The following SLC66A3 variants were observed in gnomAD, a reference collection of about 807,000 sequenced individuals.
The protein encoded by SLC66A3 is solute carrier family 66 member 3, also known as PQ loop repeat containing 3.
In SLC66A3, 23 loss-of-function variants were observed where a neutral mutation model predicts 25.5. The observed-to-expected ratio is 0.90, with a 90% CI of 0.65 to 1.28. SLC66A3 has a LOEUF of 1.28. Ranked by LOEUF, SLC66A3 falls within the 50% of genes most tolerant of loss-of-function variation. The pLI is 0.00. For synonymous variants in SLC66A3, 108 were observed against 112.6 expected, an observed-to-expected ratio of 0.96 and a Z score of 0.26; for missense variants, 246 against 262.1, an observed-to-expected ratio of 0.94 and a Z score of 0.42.
rs1661851220 is a variant in SLC66A3 at position 11,155,480 on chromosome 2, G to T, written c.-67G>T. 2.8e-6 allele frequency: 4 copies of T among 1,406,722 alleles called. No individual in the cohort carries two copies. The highest frequency in any genetic ancestry group is 3.2e-5 in the Admixed American group (1 of 30,986). 87.1% of individuals were successfully genotyped at this position (1,406,722 alleles called of 1,614,324 possible). On this transcript the variant is annotated 5_prime_UTR_variant, in exon 1 of 7. Coordinates refer to ENST00000295083, the MANE Select transcript of SLC66A3 (RefSeq NM_152391.5). Reference sequence around the variant, plus strand: ...CGGGAAGGCGGAAGGCTTCGGCAGAGCTGCGCCGCCGAGGCTGAGCGGTCC... The same window carrying T: ...CGGGAAGGCGGAAGGCTTCGGCAGATCTGCGCCGCCGAGGCTGAGCGGTCC...
At chr2:11,160,078 C>A (rs766910599) in intron 1 of SLC66A3, among the ~76,000 whole-genome samples, 2 of 152,180 alleles carry the variant, frequency 1.3e-5, no homozygotes, top group Non-Finnish European at 2.9e-5. Flanking sequence ...ATGTGTGCAG[C>A]AGCTGAGGGG....
intron 1 of SLC66A3, chr2:11,160,233 C>T (rs1662067782): frequency 5.0e-6 from 3 of 595,352 alleles, no homozygotes; most frequent in South Asian, 2.0e-5. Context: ...CTATAGAGAT[C>T]GTGGGTATTG....
At chr2:11,174,438 T>C (rs1662660708) in intron 5 of SLC66A3, among the ~76,000 whole-genome samples, 2 of 152,180 alleles carry the variant, frequency 1.3e-5, no homozygotes, top group African/African-American at 4.8e-5. Context: ...GTACCTTCCC[T>C]CATGAGCAGT....
chr2:11,177,833 T>A lies in SLC66A3; in HGVS notation c.*5T>A. 1.3e-6 allele frequency: 2 copies of A among 1,544,292 alleles called. No homozygotes were observed. Among genetic ancestry groups the A allele is most frequent in the Non-Finnish European group, 1.8e-6 (2 of 1,117,632 alleles). ...ACCGCTATAAAGGCTGAATGATGGATACATTATTCCTTCACACAGTGGATT... is the reference window on the plus strand; with the variant it reads ...ACCGCTATAAAGGCTGAATGATGGAAACATTATTCCTTCACACAGTGGATT... On this transcript the variant is annotated 3_prime_UTR_variant, in exon 7 of 7. Coordinates refer to ENST00000295083, the MANE Select transcript of SLC66A3 (RefSeq NM_152391.5).
At chr2:11,160,920 G>A (rs556258348) in intron 3 of SLC66A3, 11 of 660,158 alleles carry the variant, frequency 1.7e-5, no homozygotes, top group Admixed American at 5.9e-5. Flanking sequence ...CCAGCAGGCC[G>A]AGTGGAAGGC....
At chr2:11,160,783 T>C in intron 3 of SLC66A3, 89 bp downstream of exon 3, 2 of 1,555,448 alleles carry the variant, frequency 1.3e-6, no homozygotes, top group Non-Finnish European at 1.7e-6. Flanking sequence ...TTACCAGATG[T>C]GTATTTTTTG....
At chr2:11,158,458 C>A (rs1045509383) in intron 1 of SLC66A3, among the ~76,000 whole-genome samples, 2 of 152,326 alleles carry the variant, frequency 1.3e-5, no homozygotes, top group East Asian at 3.9e-4. Flanking sequence ...GTCAGGAGAT[C>A]AAGACCATCC....
rs527738800 is a variant in SLC66A3, at chr2:11,178,012, T to G, written c.*184T>G. ...TCTTGTTTAAAAATACCAATTTGCC[T>G]CCTCCTTCCTCACTTCGTTAGGTTA... On this transcript the variant is annotated 3_prime_UTR_variant, in exon 7 of 7. Transcript: ENST00000295083. 19 of 561,050 alleles carry G rather than the reference T, an allele frequency of 3.4e-5. No homozygotes were observed. Among genetic ancestry groups the G allele is most frequent in the Admixed American group, 6.5e-5 (2 of 31,006 alleles). The allele number at this position is 561,050 out of a possible 1,614,324, so 34.8% of individuals were successfully genotyped here.
At position 11,169,213 on chromosome 2, in the gene SLC66A3, T is replaced by C. The variant is rs139596049; in HGVS notation, c.355-2712T>C. On this transcript the variant is annotated intron_variant, in intron 4 of 6. Transcript: ENST00000295083. Reference sequence around the variant, plus strand: ...TGACGCCTTCTCTCCTCCCAAGTCATCCTGGATGCACCTTTATCATCACGT... The same window carrying C: ...TGACGCCTTCTCTCCTCCCAAGTCACCCTGGATGCACCTTTATCATCACGT... 5.3e-3 allele frequency among the ~76,000 whole-genome samples: 811 copies of C among 152,254 alleles called. 4 individuals are homozygous for C. The highest frequency in any genetic ancestry group is 0.017 in the African/African-American group (706 of 41,556).
chr2:11,168,665 C>T (rs1338105953), intron 4 of SLC66A3, among the ~76,000 whole-genome samples: 1 of 152,080 alleles, frequency 6.6e-6, no homozygotes, highest in East Asian at 1.9e-4. Context: ...AGTCCTCCCT[C>T]CTCTGCTCTG....
chr2:11,166,836 A>C (rs927318353), intron 4 of SLC66A3, among the ~76,000 whole-genome samples: 2 of 152,256 alleles, frequency 1.3e-5, no homozygotes, highest in Non-Finnish European at 2.9e-5. Flanking sequence ...CGGAGCTTGC[A>C]GTGAGCCAGG....
At chr2:11,157,064 T>C (rs982981304) in intron 1 of SLC66A3, among the ~76,000 whole-genome samples, 1 of 152,180 alleles carries the variant, frequency 6.6e-6, no homozygotes, top group Non-Finnish European at 1.5e-5. Flanking sequence ...AGGCTGTCTG[T>C]AGAGTCTATA....
chr2:11,161,486 G>A (rs1001516680), intron 3 of SLC66A3, among the ~76,000 whole-genome samples: 6 of 151,626 alleles, frequency 4.0e-5, no homozygotes, highest in Non-Finnish European at 8.8e-5. Flanking sequence ...TTGTAGATAC[G>A]GGGTCTCACT....
Position 11,177,865 on chromosome 2 carries a change from A to G in SLC66A3, c.*37A>G, listed in dbSNP as rs1448956718. On this transcript the variant is annotated 3_prime_UTR_variant, in exon 7 of 7. Transcript: ENST00000295083. ...TTCCTTCACACAGTGGATTTTGAGTAACTGAACCAAAGGAAAAAGAAGCTC... is the reference window on the plus strand; with the variant it reads ...TTCCTTCACACAGTGGATTTTGAGTGACTGAACCAAAGGAAAAAGAAGCTC... 8.2e-7 allele frequency: 1 copy of G among 1,221,794 alleles called. No individual in the cohort carries two copies. Among genetic ancestry groups the G allele is most frequent in the African/African-American group, 1.5e-5 (1 of 65,612 alleles). The allele number at this position is 1,221,794 out of a possible 1,614,324, so 75.7% of individuals were successfully genotyped here.
intron 4 of SLC66A3, among the ~76,000 whole-genome samples, chr2:11,168,813 ACTC>A (rs1363509361): frequency 2.0e-5 from 3 of 149,912 alleles, no homozygotes; most frequent in Non-Finnish European, 3.0e-5. Flanking sequence ...TTCTTGGTCA[ACTC>A]CTCTGCCCAA....
At chr2:11,168,051 C>T (rs950233544) in intron 4 of SLC66A3, among the ~76,000 whole-genome samples, 17 of 152,108 alleles carry the variant, frequency 1.1e-4, no homozygotes, top group South Asian at 4.1e-4. Flanking sequence ...GAGGCCGAGA[C>T]GGGCGGATCA....
At chr2:11,159,557 C>T (rs1423921172) in intron 1 of SLC66A3, among the ~76,000 whole-genome samples, 2 of 152,204 alleles carry the variant, frequency 1.3e-5, no homozygotes, top group Non-Finnish European at 2.9e-5. Context: ...CAGGGAGGCA[C>T]AGCCTGTTTG....
chr2:11,166,341 C>G (rs1662341700), intron 4 of SLC66A3, among the ~76,000 whole-genome samples: 2 of 152,154 alleles, frequency 1.3e-5, no homozygotes, highest in South Asian at 4.1e-4. Context: ...TGTTTGACCA[C>G]AGACCTCTCC....
At chr2:11,162,024 CAG>C (rs1394950476) in intron 3 of SLC66A3, among the ~76,000 whole-genome samples, 2 of 152,230 alleles carry the variant, frequency 1.3e-5, no homozygotes, top group Non-Finnish European at 2.9e-5. Context: ...CCTGCCACCA[CAG>C]GGGTGGCTTC....
Sources: allele counts gnomAD v4.1 joint callset (sites outside exome capture counted in the v4.1 genomes callset), GRCh38; gene constraint gnomAD v4.1.1; transcripts MANE v1.5; gene names NCBI Gene and HGNC (gene_info 2026-07-23, HGNC 2026-07-21).